The following HOGA1 variants were observed in gnomAD, a reference collection of about 807,000 sequenced individuals.
HOGA1 encodes the protein 4-hydroxy-2-oxoglutarate aldolase, mitochondrial.
HOGA1 carries 30 observed loss-of-function variants against 34.3 expected under a neutral mutation model. The ratio of observed to expected loss-of-function variants is 0.87; its 90% CI spans 0.65 to 1.19. HOGA1 has a LOEUF of 1.19. Ranked by LOEUF, HOGA1 falls within the 50% of genes most tolerant of loss-of-function variation. HOGA1 has a pLI of 0.00. For missense variants in HOGA1, 417 were observed against 436.5 expected (o/e 0.96, Z 0.40); for synonymous variants, 161 against 174.0 (o/e 0.93, Z 0.59).
chr10:97,611,898 T>A lies in HOGA1; in HGVS notation c.*239T>A, dbSNP rs573907512. ...TAAACTGTGTCTCTGGTCTGAAGAC[T>A]GGGAAGGAGCAATTTCTCAATTTAT... On this transcript the variant is annotated 3_prime_UTR_variant, in exon 7 of 7. Transcript: ENST00000370646. 7.1e-6 allele frequency: 4 copies of A among 561,550 alleles called. No homozygotes were observed. Among genetic ancestry groups the A allele is most frequent in the Non-Finnish European group, 6.3e-6 (2 of 315,408 alleles). The allele number at this position is 561,550 out of a possible 1,614,324, so 34.8% of individuals were successfully genotyped here. A position where few individuals can be genotyped will look rare whatever the true frequency, so the allele number is the denominator to read the frequency against.
chr10:97,611,719 G>A lies in HOGA1; in HGVS notation c.*60G>A. On this transcript the variant is annotated 3_prime_UTR_variant, in exon 7 of 7. Coordinates refer to ENST00000370646, the MANE Select transcript of HOGA1 (RefSeq NM_138413.4). ...CTCAGCCTCCTGCCTTGCACTTGCA[G>A]CCTGAAGCGGAGAGCACAGGGGGAT... The A allele has an allele frequency of 6.4e-7, 1 of 1,563,942 alleles. No homozygotes were observed. Among genetic ancestry groups the A allele is most frequent in the East Asian group, 2.3e-5 (1 of 43,516 alleles).
intron 5 of HOGA1, chr10:97,600,398 T>C: frequency 1.7e-6 from 1 of 582,426 alleles, no homozygotes; most frequent in Non-Finnish European, 3.1e-6. Flanking sequence ...TGGCCTGTAG[T>C]AGGGATGCCT....
At chr10:97,590,418 T>C (rs1209962250) in intron 1 of HOGA1, 1 of 1,613,538 alleles carries the variant, frequency 6.2e-7, no homozygotes, top group Non-Finnish European at 8.5e-7. Context: ...CTCGAGGAGG[T>C]AGAGATGAAG....
chr10:97,593,622 T>A (rs1161608404), intron 1 of HOGA1, among the ~76,000 whole-genome samples: 1 of 151,918 alleles, frequency 6.6e-6, no homozygotes, highest in Non-Finnish European at 1.5e-5. Context: ...CAGAAAAAAA[T>A]AAAGAACTTC....
chr10:97,586,838 C>A (rs559738241), intron 1 of HOGA1, among the ~76,000 whole-genome samples: 118 of 152,280 alleles, frequency 7.7e-4, no homozygotes, highest in African/African-American at 2.6e-3. Context: ...TCCCTCGCAA[C>A]CTATGCAGGC....
intron 1 of HOGA1, among the ~76,000 whole-genome samples, chr10:97,593,931 C>T (rs1174299618): frequency 8.5e-5 from 13 of 152,178 alleles, no homozygotes; most frequent in Middle Eastern, 3.4e-3. Context: ...TGCAGTGGCA[C>T]GACCTCGGCT....
chr10:97,598,095 G>T (rs2041084908), intron 1 of HOGA1, among the ~76,000 whole-genome samples: 1 of 152,214 alleles, frequency 6.6e-6, no homozygotes, highest in South Asian at 2.1e-4. Context: ...TTTCAGCATT[G>T]TTTGCAATAG....
chr10:97,590,542 C>T, intron 1 of HOGA1: 1 of 1,612,120 alleles, frequency 6.2e-7, no homozygotes, highest in Non-Finnish European at 8.5e-7. Flanking sequence ...GCCACCAGAG[C>T]CACAGCCTGC....
intron 6 of HOGA1, among the ~76,000 whole-genome samples, chr10:97,610,961 CA>C (rs1188451589): frequency 2.0e-5 from 3 of 152,172 alleles, no homozygotes; most frequent in African/African-American, 7.2e-5. Flanking sequence ...GTTTATACAA[CA>C]AAACTTCCTT....
chr10:97,593,441 C>A (rs537254480), intron 1 of HOGA1, among the ~76,000 whole-genome samples: 62 of 152,092 alleles, frequency 4.1e-4, no homozygotes, highest in African/African-American at 1.4e-3. Flanking sequence ...CATGCCACTG[C>A]CCTCCAGCCT....
intron 1 of HOGA1, among the ~76,000 whole-genome samples, chr10:97,594,804 T>G (rs2041056361): frequency 6.6e-6 from 1 of 152,158 alleles, no homozygotes; most frequent in Non-Finnish European, 1.5e-5. Context: ...TTTCTTATTT[T>G]ATAGGAGAGG....
In HOGA1 at chr10:97,608,567, G is replaced by A. The variant is rs2041173160; in HGVS notation, c.835-2943G>A. 3.3e-5 allele frequency among the ~76,000 whole-genome samples: 5 copies of A among 152,152 alleles called. No individual in the cohort carries two copies. The South Asian group carries it at 1.0e-3, about 32-fold the overall frequency. ...CGCCTGTAATCCCAGCACTTTGGGA[G>A]GCCGAGGCAGGCAGATCGCCTGAGG... On this transcript the variant is annotated intron_variant, in intron 6 of 6. Transcript: ENST00000370646.
intron 4 of HOGA1, 26 bp from the exon 5 acceptor site, chr10:97,600,041 C>A: frequency 6.2e-7 from 1 of 1,605,190 alleles, no homozygotes; most frequent in Non-Finnish European, 8.5e-7. Context: ...CTGGGCACAG[C>A]TCTCACACCA....
intron 1 of HOGA1, among the ~76,000 whole-genome samples, chr10:97,592,556 A>G (rs919578337): frequency 6.6e-6 from 1 of 151,938 alleles, no homozygotes; most frequent in African/African-American, 2.4e-5. Flanking sequence ...TCCCTGTACT[A>G]TTTTTGAAAC....
rs60604785 is a variant in HOGA1, at chr10:97,603,127, T to A, written c.834+1137T>A. Among the ~76,000 whole-genome samples, 2,491 of 152,122 alleles carry A rather than the reference T, an allele frequency of 0.016. 59 individuals carry two copies. Among genetic ancestry groups the A allele is most frequent in the African/African-American group, 0.056 (2,326 of 41,512 alleles). ...AGCAATTCTCCTGTCTCAGCTTCCC[T>A]AGTAGCTGGGATTACAGGCACGTGC... is the stretch of plus-strand genomic sequence containing the variant. On this transcript the variant is annotated intron_variant, in intron 6 of 6. Transcript: ENST00000370646. The surrounding 1 kb of genome is among the most constrained non-coding windows in gnomAD (Gnocchi z 4.5).
rs557887891 is a variant in HOGA1, at chr10:97,611,821, G to A, written c.*162G>A. The A allele has an allele frequency of 3.3e-4, 244 of 743,412 alleles. No homozygotes were observed. The African/African-American group carries it at 3.5e-3, about 11-fold the overall frequency. 46.1% of individuals were successfully genotyped at this position (743,412 alleles called of 1,614,324 possible). A position where few individuals can be genotyped will look rare whatever the true frequency, so the allele number is the denominator to read the frequency against. The stretch of plus-strand genomic sequence containing the variant: ...CCTCCAGGCAGCCTTTCACAGGCAC[G>A]CCCATGCATATCTCCTATTCTAACG... On this transcript the variant is annotated 3_prime_UTR_variant, in exon 7 of 7. Transcript: ENST00000370646.
At position 97,598,883 on chromosome 10, in the gene HOGA1, T is replaced by C. The variant is rs1353394910; in HGVS notation, c.320T>C (p.Leu107Pro). The C allele has an allele frequency of 6.2e-7, 1 of 1,613,976 alleles. No homozygotes were observed. The highest frequency in any genetic ancestry group is 2.2e-5 in the East Asian group (1 of 44,898). ...GCCATGCCCAAGAACAGGCTCCTGCTAGCTGGCTCCGGATGCGAGTGTGAG... is the reference window on the plus strand; with the variant it reads ...GCCATGCCCAAGAACAGGCTCCTGCCAGCTGGCTCCGGATGCGAGTGTGAG... ...RQAMPKNRLL[L>P]AGSGCESTQA... Residue 107 changes from leucine to proline, a missense_variant, in exon 2 of 7, where the codon CTA (leucine) becomes CCA (proline). Physicochemically the swap from Leu to Pro is moderately conservative, Grantham distance 98. Coordinates refer to ENST00000370646, the MANE Select transcript of HOGA1 (RefSeq NM_138413.4).
In HOGA1 at chr10:97,599,767, C is replaced by T. The variant is rs1791931983; in HGVS notation, c.556C>T (p.Leu186Phe). The change falls in exon 4 of 7, where the codon CTT becomes TTT. Residue 186 changes from leucine (L) to phenylalanine (F), a missense_variant. Leu to Phe is a conservative substitution (Grantham distance 22, BLOSUM62 0). Transcript: ENST00000370646. ...CCTGCCTGTGGATGCAGTGGTCACGCTTTCCCAGCACCCGAATATTGTGGG... is the reference window on the plus strand; with the variant it reads ...CCTGCCTGTGGATGCAGTGGTCACGTTTTCCCAGCACCCGAATATTGTGGG... ...LDLPVDAVVT[L>F]SQHPNIVGMK... The T allele has an allele frequency of 1.2e-6, 2 of 1,614,108 alleles. No homozygotes were observed. The highest frequency in any genetic ancestry group is 1.3e-5 in the African/African-American group (1 of 74,942).
intron 6 of HOGA1, among the ~76,000 whole-genome samples, chr10:97,607,166 C>G (rs2041163870): frequency 1.3e-5 from 2 of 151,124 alleles, no homozygotes. Flanking sequence ...CTATGGACAT[C>G]CTGCTGCCTG....
Sources: gnomAD v4.1 joint callset for allele counts (sites outside exome capture counted in the v4.1 genomes callset) on GRCh38, gnomAD v4.1.1 for gene constraint, Gnocchi (gnomAD v3.1) non-coding constraint, MANE v1.5 for transcripts, NCBI Gene and HGNC (gene_info 2026-07-23, HGNC 2026-07-21) for gene names.